FMN2: variants seen among roughly 807,000 people sequenced by gnomAD.
FMN2 encodes formin 2.
In FMN2, 51 loss-of-function variants were observed where a neutral mutation model predicts 142.3. The ratio of observed to expected loss-of-function variants is 0.36; its 90% CI spans 0.29 to 0.45. FMN2 has a LOEUF of 0.45. Among genes scored for constraint, FMN2 ranks in the 20% least tolerant of loss-of-function variants. The pLI is 1.00. For synonymous variants in FMN2, 882 were observed against 869.8 expected (o/e 1.01, Z -0.25); for missense variants, 1,936 against 2,122.8 (o/e 0.91, Z 1.73).
At chr1:240,217,393 G>A (rs1666945937) in intron 6 of FMN2, among the ~76,000 whole-genome samples, 1 of 151,982 alleles carries the variant, frequency 6.6e-6, no homozygotes, top group Admixed American at 6.6e-5. Context: ...TGGTTGATTT[G>A]GACAGTTATA....
At chr1:240,377,668 T>G (rs1230412652) in intron 14 of FMN2, among the ~76,000 whole-genome samples, 1 of 152,098 alleles carries the variant, frequency 6.6e-6, no homozygotes, top group Non-Finnish European at 1.5e-5. Context: ...TGTCGCTAAC[T>G]CTCCTACCTT....
chr1:240,356,359 G>C (rs1311557043), intron 14 of FMN2, among the ~76,000 whole-genome samples: 5 of 152,072 alleles, frequency 3.3e-5, no homozygotes, highest in Admixed American at 2.0e-4. Flanking sequence ...CGGATCTTCA[G>C]AGCATTATTT....
At chr1:240,196,020 A>G (rs551078263) in intron 4 of FMN2, among the ~76,000 whole-genome samples, 5 of 152,300 alleles carry the variant, frequency 3.3e-5, no homozygotes, top group South Asian at 4.1e-4. Context: ...AAAAACCAAA[A>G]CAAGACAAAA....
chr1:240,259,876 T>G (rs1180182274), intron 7 of FMN2, among the ~76,000 whole-genome samples: 1 of 152,154 alleles, frequency 6.6e-6, no homozygotes, highest in Non-Finnish European at 1.5e-5. Flanking sequence ...CTGAACCCAA[T>G]TTGTAGTCTT....
intron 8 of FMN2, among the ~76,000 whole-genome samples, chr1:240,302,846 G>C (rs1478077669): frequency 2.6e-5 from 4 of 151,948 alleles, no homozygotes; most frequent in African/African-American, 9.7e-5. Context: ...TTAATAATTA[G>C]AGTTTCAAGC....
At chr1:240,373,123 G>A (rs1221020242) in intron 14 of FMN2, among the ~76,000 whole-genome samples, 1 of 152,010 alleles carries the variant, frequency 6.6e-6, no homozygotes, top group Non-Finnish European at 1.5e-5. Flanking sequence ...GGTGGAGTTT[G>A]CAGTGAGCCG....
intron 1 of FMN2, among the ~76,000 whole-genome samples, chr1:240,098,439 C>T (rs560769363): frequency 1.3e-5 from 2 of 152,148 alleles, no homozygotes; most frequent in East Asian, 1.9e-4. Flanking sequence ...TTTTCTCATA[C>T]GGCTTGGTAA....
chr1:240,330,841 T>C, intron 11 of FMN2, 92 bp downstream of exon 11: 1 of 1,449,250 alleles, frequency 6.9e-7, no homozygotes, highest in Non-Finnish European at 9.2e-7. Context: ...GTAAAAAATA[T>C]TTATGTTCCT....
chr1:240,259,615 C>T (rs185575786), intron 7 of FMN2, among the ~76,000 whole-genome samples: 1 of 151,236 alleles, frequency 6.6e-6, no homozygotes, highest in African/African-American at 2.4e-5. Context: ...ATGTGTGAAT[C>T]GCTTGTGTCC....
At chr1:240,386,895 A>T (rs1673422587) in intron 14 of FMN2, among the ~76,000 whole-genome samples, 1 of 152,208 alleles carries the variant, frequency 6.6e-6, no homozygotes, top group African/African-American at 2.4e-5. Flanking sequence ...AATTAACCAA[A>T]TAAATAAAGG....
At chr1:240,469,219 T>G (rs879334512) in intron 16 of FMN2, among the ~76,000 whole-genome samples, 2 of 152,160 alleles carry the variant, frequency 1.3e-5, no homozygotes, top group Non-Finnish European at 2.9e-5. Flanking sequence ...CTACACCAGA[T>G]TCTGCCAGAT....
chr1:240,449,637 A>C (rs1042239633), intron 16 of FMN2, among the ~76,000 whole-genome samples: 4 of 152,198 alleles, frequency 2.6e-5, no homozygotes, highest in Admixed American at 2.6e-4. Context: ...CACAATCATC[A>C]TGGCAAATTA....
At chr1:240,350,389 C>T (rs1300664520) in intron 13 of FMN2, among the ~76,000 whole-genome samples, 1 of 152,164 alleles carries the variant, frequency 6.6e-6, no homozygotes, top group Non-Finnish European at 1.5e-5. Flanking sequence ...TCATTGAAAG[C>T]ACTTTCTTTC....
chr1:240,381,307 A>G (rs1673219231), intron 14 of FMN2, among the ~76,000 whole-genome samples: 1 of 152,230 alleles, frequency 6.6e-6, no homozygotes, highest in Admixed American at 6.5e-5. Context: ...ACAGCACATC[A>G]AAAAGATAAT....
intron 4 of FMN2, among the ~76,000 whole-genome samples, chr1:240,205,643 A>T (rs1439677060): frequency 1.3e-5 from 2 of 150,846 alleles, no homozygotes; most frequent in Non-Finnish European, 3.0e-5. Context: ...TTGTATTTTT[A>T]GTAGAGACGG....
At chr1:240,415,710 T>C (rs1674555665) in intron 15 of FMN2, among the ~76,000 whole-genome samples, 1 of 152,122 alleles carries the variant, frequency 6.6e-6, no homozygotes, top group African/African-American at 2.4e-5. Context: ...AAGGTAGTAA[T>C]GATAAGCATT....
chr1:240,272,156 T>A (rs1669039661), intron 7 of FMN2, among the ~76,000 whole-genome samples: 1 of 152,138 alleles, frequency 6.6e-6, no homozygotes, highest in Admixed American at 6.5e-5. Flanking sequence ...TCTGTGAGCC[T>A]GAAGACAGCC....
chr1:240,331,851 T>G (rs568594796), intron 11 of FMN2, among the ~76,000 whole-genome samples: 1 of 152,312 alleles, frequency 6.6e-6, no homozygotes, highest in South Asian at 2.1e-4. Context: ...ACACAAAGCC[T>G]ATTTTATAAT....
At chr1:240,260,437 T>A (rs1310975601) in intron 7 of FMN2, among the ~76,000 whole-genome samples, 1 of 152,174 alleles carries the variant, frequency 6.6e-6, no homozygotes, top group African/African-American at 2.4e-5. Flanking sequence ...TTTTTTTTAA[T>A]GTGGCCATTC....
Sources: gnomAD v4.1 joint callset for allele counts (sites outside exome capture counted in the v4.1 genomes callset) on GRCh38, gnomAD v4.1.1 for gene constraint, MANE v1.5 for transcripts, NCBI Gene and HGNC (gene_info 2026-07-23, HGNC 2026-07-21) for gene names.